The following GAGE10 variants were observed in gnomAD, a reference collection of about 807,000 sequenced individuals.
GAGE10 encodes the protein G antigen 10.
Under a neutral mutation model 11.5 loss-of-function variants are expected in GAGE10, and 9 were observed. The ratio of observed to expected loss-of-function variants is 0.78; its 90% CI spans 0.47 to 1.37. The LOEUF is 1.37. Among genes scored for constraint, GAGE10 ranks in the 40% most tolerant of loss-of-function variants. GAGE10 has a pLI of 0.00. For synonymous variants in GAGE10, 23 were observed against 29.7 expected (o/e 0.77, Z 0.73); for missense variants, 83 against 92.9 (o/e 0.89, Z 0.44).
intron 4 of GAGE10, 26 bp downstream of exon 4, chrX:49,317,314 T>A: frequency 8.4e-7 from 1 of 1,183,805 alleles, no homozygotes. Context: ...GGCATGCACA[T>A]TGTAGGGTGT....
rs375272081 is a variant in GAGE10 at position 49,304,993 on chromosome X, G to A, written c.81+53G>A. ...TTTCTATTAGCAGAAATTAATTTTT[G>A]TGACAGTATTGTTGCATTAGTATGG... On this transcript the variant is annotated intron_variant, in intron 2 of 4. Transcript: ENST00000407599. 3.5e-6 allele frequency: 4 copies of A among 1,151,422 alleles called. No individual in the cohort carries two copies. In the African/African-American group the frequency reaches 5.4e-5, roughly 15 times the overall value. The allele number at this position is 1,151,422 out of a possible 1,213,427, so 94.9% of individuals were successfully genotyped here.
chrX:49,304,249 G>C (rs199553097), intron 1 of GAGE10, among the ~76,000 whole-genome samples: 10 of 112,131 alleles, frequency 8.9e-5, no homozygotes, highest in Non-Finnish European at 1.5e-4. Context: ...GAGAAGCATC[G>C]CAAGATCTCA....
rs2066350163 is a variant in GAGE10, at chrX:49,304,933, C to G, written c.74C>G (p.Pro25Arg). 8.3e-7 allele frequency: 1 copy of G among 1,203,921 alleles called. No individual in the cohort carries two copies. Among genetic ancestry groups the G allele is most frequent in the African/African-American group, 1.7e-5 (1 of 57,218 alleles). The change falls in exon 2 of 5, where the codon CCT becomes CGT. Residue 25 changes from proline to arginine, a missense_variant. By Grantham distance (103) the Pro-to-Arg change is moderately radical (BLOSUM62 -2). Transcript: ENST00000407599. ...RYVEPPEMIGPMLPEQFSDEV... is the reference protein window; with the variant it reads ...RYVEPPEMIGRMLPEQFSDEV... ...GTAGAGCCCCCTGAAATGATTGGGC[C>G]TATGCTGGTGAGTGCTTAAACGTTA...
intron 3 of GAGE10, among the ~76,000 whole-genome samples, chrX:49,316,434 G>A (rs782640064): frequency 8.9e-6 from 1 of 111,910 alleles, no homozygotes; most frequent in Non-Finnish European, 1.9e-5. Context: ...TTTGTTTGGG[G>A]CTCAGTCCTT....
At chrX:49,311,239 A>G (rs1557124707) in intron 3 of GAGE10, among the ~76,000 whole-genome samples, 1 of 112,216 alleles carries the variant, frequency 8.9e-6, no homozygotes, top group Non-Finnish European at 1.9e-5. Flanking sequence ...TTGATGGCAT[A>G]ACAAAACATT....
At chrX:49,303,930 G>A (rs1246131260) in intron 1 of GAGE10, among the ~76,000 whole-genome samples, 177 bp downstream of exon 1, 1 of 111,897 alleles carries the variant, frequency 8.9e-6, no homozygotes, top group African/African-American at 3.3e-5. Context: ...GAAGGGCCTT[G>A]AGGTCGTCCT....
At chrX:49,317,387 C>T in intron 4 of GAGE10, 99 bp downstream of exon 4, 2 of 1,096,132 alleles carry the variant, frequency 1.8e-6, no homozygotes, top group Admixed American at 4.9e-5. Flanking sequence ...TTGCTCTGTC[C>T]ACCAGGCTGG....
rs2066409527 is a variant in GAGE10, at chrX:49,319,729, TG to T, written c.331del (p.Glu111LysfsTer30). The T allele has an allele frequency of 1.1e-5, 10 of 939,277 alleles. No individual in the cohort carries two copies. The Admixed American group carries it at 2.6e-4, about 24-fold the overall frequency. The allele number at this position is 939,277 out of a possible 1,213,427, so 77.4% of individuals were successfully genotyped here. A position where few individuals can be genotyped will look rare whatever the true frequency, so the allele number is the denominator to read the frequency against. On this transcript the variant is annotated frameshift_variant and splice_region_variant, in exon 5 of 5. Coordinates refer to ENST00000407599, the MANE Select transcript of GAGE10 (RefSeq NM_001098413.4). LOFTEE classifies it high-confidence loss of function. ...PEEVKRPEEG[E>X]KQSQC ...CCAATCGTTGTGTTTCTGTTACAGG[TG>T]AAAAGCAATCACAGTGTTAAAAGAA... is the stretch of plus-strand genomic sequence containing the variant.
chrX:49,304,971 C>T (rs1267736465), intron 2 of GAGE10, 31 bp downstream of exon 2: 16 of 1,176,140 alleles, frequency 1.4e-5, no homozygotes, highest in African/African-American at 1.8e-5. Flanking sequence ...TCGTTGTTTT[C>T]TATTAGCAGA....
At chrX:49,312,734 G>T (rs2066379489) in intron 3 of GAGE10, among the ~76,000 whole-genome samples, 1 of 112,840 alleles carries the variant, frequency 8.9e-6, no homozygotes, top group African/African-American at 3.2e-5. Context: ...GATGGTGGCT[G>T]TTCTCTGACG....
chrX:49,305,818 A>T (rs2869206), intron 3 of GAGE10, among the ~76,000 whole-genome samples: 1 of 111,256 alleles, frequency 9.0e-6, no homozygotes, highest in African/African-American at 3.3e-5. Context: ...GTGAATACAA[A>T]ATTTGTATTT....
chrX:49,306,969 A>G (rs1187637953), intron 3 of GAGE10, among the ~76,000 whole-genome samples: 6 of 112,122 alleles, frequency 5.4e-5, no homozygotes, highest in African/African-American at 1.9e-4. Flanking sequence ...AAAAATAGTT[A>G]AGATGGTAAA....
chrX:49,317,643 C>G (rs1194523247), intron 4 of GAGE10, among the ~76,000 whole-genome samples: 3 of 77,622 alleles, frequency 3.9e-5, no homozygotes, highest in African/African-American at 1.1e-4. Flanking sequence ...CCACCATACG[C>G]GACCAAGGCA....
At chrX:49,305,875 G>A (rs1557124069) in intron 3 of GAGE10, among the ~76,000 whole-genome samples, 1 of 111,172 alleles carries the variant, frequency 9.0e-6, no homozygotes, top group African/African-American at 3.3e-5. Flanking sequence ...CTGTAAAAAC[G>A]GAAATGATTT....
chrX:49,308,894 T>A (rs1377995974), intron 3 of GAGE10, among the ~76,000 whole-genome samples: 2 of 111,472 alleles, frequency 1.8e-5, no homozygotes, highest in Admixed American at 1.9e-4. Flanking sequence ...GAGAGGCCCG[T>A]TTTGTCCGAT....
chrX:49,304,831 A>G (rs370293504), intron 1 of GAGE10, 21 bp from the exon 2 acceptor site: 6 of 1,186,547 alleles, frequency 5.1e-6, no homozygotes, highest in South Asian at 1.8e-5. Context: ...CACGTTCCCA[A>G]TCACGGTTGT....
chrX:49,317,317 T>C (rs782785305), intron 4 of GAGE10, 29 bp downstream of exon 4: 1 of 1,184,111 alleles, frequency 8.4e-7, no homozygotes, highest in South Asian at 1.8e-5. Flanking sequence ...ATGCACATTG[T>C]AGGGTGTCTG....
intron 3 of GAGE10, among the ~76,000 whole-genome samples, chrX:49,307,908 T>A (rs1251463510): frequency 8.9e-6 from 1 of 112,490 alleles, no homozygotes; most frequent in South Asian, 3.6e-4. Flanking sequence ...TTTTTCCTTC[T>A]GTGGCTAGTG....
At chrX:49,306,713 G>T (rs1379579258) in intron 3 of GAGE10, among the ~76,000 whole-genome samples, 1 of 111,827 alleles carries the variant, frequency 8.9e-6, no homozygotes, top group Admixed American at 9.5e-5. Context: ...GTCTCAAGCT[G>T]GGCTGAATGC....
Sources: allele counts gnomAD v4.1 joint callset (sites outside exome capture counted in the v4.1 genomes callset), GRCh38; gene constraint gnomAD v4.1.1; transcripts MANE v1.5; gene names NCBI Gene and HGNC (gene_info 2026-07-23, HGNC 2026-07-21).